Variants in ZAN observed in about 807,000 individuals in gnomAD.
ZAN encodes zonadhesin, also known as zonadhesin (gene/pseudogene).
Under a neutral mutation model 286.2 loss-of-function variants are expected in ZAN, and 260 were observed. The observed-to-expected ratio is 0.91, with a 90% CI of 0.82 to 1.01. The LOEUF is 1.01. ZAN is among the 50% of genes least tolerant of loss of function. ZAN has a pLI of 0.00. For synonymous variants in ZAN, 1,368 were observed against 1,417.5 expected (o/e 0.97, Z 0.79); for missense variants, 3,410 against 3,639.2 (o/e 0.94, Z 1.62).
At position 100,758,267 on chromosome 7, in the gene ZAN, C is replaced by T. The variant is rs923235244; in HGVS notation, c.3375C>T (p.Val1125=). ...EHCRCWPGSR[V]ECQISQCGTH... is the part of the protein sequence containing the mutation. ...GCCGCTGCTGGCCCGGCAGTCGGGT[C>T]GAGTGCCAGATCTCTCAGTGTGGGA... Residue 1125 remains valine, a synonymous_variant, in exon 16 of 48, where the codon GTC becomes GTT. Transcript: ENST00000613979. The T allele has an allele frequency of 4.3e-6, 7 of 1,613,380 alleles. No homozygotes were observed. The highest frequency in any genetic ancestry group is 2.2e-5 in the East Asian group (1 of 44,876).
Position 100,789,266 on chromosome 7 carries a change from CGGGTCACCCTGT to C in ZAN, c.7280_7291del (p.Val2427_Trp2430del). On this transcript the variant is annotated inframe_deletion, in exon 39 of 48. Coordinates refer to ENST00000613979, the MANE Select transcript of ZAN (RefSeq NM_003386.3). Reference sequence around the variant, plus strand: ...CCCCTACAGGCCAAATGAACACCTGCGGGTCACCCTGTGGGGCCAACGGCTCTACCTGGTCAC... The same window carrying C: ...CCCCTACAGGCCAAATGAACACCTGCGGGGCCAACGGCTCTACCTGGTCAC... 6.2e-7 allele frequency: 1 copy of C among 1,613,884 alleles called. No individual in the cohort carries two copies. Among genetic ancestry groups the C allele is most frequent in the South Asian group, 1.1e-5 (1 of 91,060 alleles).
At chr7:100,761,229 G>GT (rs1286387029) in intron 19 of ZAN, among the ~76,000 whole-genome samples, 1 of 152,140 alleles carries the variant, frequency 6.6e-6, no homozygotes, top group Non-Finnish European at 1.5e-5. Context: ...TAGAGGCCAG[G>GT]TGCAGGGGTT....
intron 33 of ZAN, 129 bp downstream of exon 33, chr7:100,775,962 G>A (rs1293668384): frequency 2.4e-6 from 3 of 1,224,864 alleles, no homozygotes; most frequent in Non-Finnish European, 3.4e-6. Flanking sequence ...GAGCAGGGCA[G>A]TGGAGGAGTG....
At chr7:100,791,200 G>A in intron 40 of ZAN, 87 bp downstream of exon 40, 1 of 1,482,416 alleles carries the variant, frequency 6.7e-7, no homozygotes, top group Non-Finnish European at 9.0e-7. Flanking sequence ...CTCAGGAGAG[G>A]ATGAAACTCC....
At chr7:100,788,798 A>C (rs1026965332) in intron 38 of ZAN, among the ~76,000 whole-genome samples, 4 of 152,050 alleles carry the variant, frequency 2.6e-5, no homozygotes, top group Non-Finnish European at 5.9e-5. Flanking sequence ...TCCCAGGTTC[A>C]AGTGATTATC....
At position 100,763,838 on chromosome 7, in the gene ZAN, CT is replaced by C; in HGVS notation, c.4021del (p.Cys1341ValfsTer32). 1 of 1,614,042 alleles carries C rather than the reference CT, an allele frequency of 6.2e-7. No homozygotes were observed. The highest frequency in any genetic ancestry group is 8.5e-7 in the Non-Finnish European group (1 of 1,179,892). ...CQKYQVVNSP[S>X]CDSSLQSSMS... ...AAGTACCAGGTGGTGAATTCCCCGT[CT>C]TGTGATTCATCTCTGCAGAGCAGCA... is the stretch of plus-strand genomic sequence containing the variant. On this transcript the variant is annotated frameshift_variant, in exon 21 of 48. Coordinates refer to ENST00000613979, the MANE Select transcript of ZAN (RefSeq NM_003386.3). LOFTEE classifies it high-confidence loss of function. The surrounding 1 kb of genome is among the most constrained non-coding windows in gnomAD (Gnocchi z 4.6).
Position 100,758,611 on chromosome 7 carries a change from T to C in ZAN, c.3532T>C (p.Cys1178Arg), listed in dbSNP as rs771833490. ...GAGGCACTTTGGCTTCATGGGCAAG[T>C]GCACTTACATCTTGGCCCAGCCCTG... ...DGRHFGFMGK[C>R]TYILAQPCGN... Residue 1178 changes from cysteine to arginine, a missense_variant, in exon 17 of 48, where the codon TGC (cysteine) becomes CGC (arginine). By Grantham distance (180) the Cys-to-Arg change is radical (BLOSUM62 -3). This residue lies in a region of ZAN where 1,042 missense variants were observed against 1,058.0 expected (regional missense o/e 0.98). Transcript: ENST00000613979. 2 of 1,562,394 alleles carry C rather than the reference T, an allele frequency of 1.3e-6. No individual in the cohort carries two copies. Among genetic ancestry groups the C allele is most frequent in the Admixed American group, 3.8e-5 (2 of 52,260 alleles).
intron 37 of ZAN, among the ~76,000 whole-genome samples, chr7:100,787,536 C>A (rs1469934353): frequency 1.3e-5 from 2 of 152,014 alleles, no homozygotes; most frequent in African/African-American, 4.8e-5. Context: ...CACACCTGGG[C>A]AGGGTCCCTT....
chr7:100,738,895 C>T (rs1398512043), intron 7 of ZAN, among the ~76,000 whole-genome samples: 2 of 2,188 alleles, frequency 9.1e-4, no homozygotes, highest in Non-Finnish European at 1.1e-3. Flanking sequence ...CTCTCCCTCT[C>T]CCTCTCCCTC....
chr7:100,781,001 T>C (rs1811164867), intron 35 of ZAN, among the ~76,000 whole-genome samples: 2 of 152,072 alleles, frequency 1.3e-5, no homozygotes, highest in South Asian at 2.1e-4. Flanking sequence ...AATCTGAGAA[T>C]TGAAAAACAA....
chr7:100,775,327 G>A lies in ZAN; in HGVS notation c.5780-1G>A. The A allele has an allele frequency of 6.2e-7, 1 of 1,612,692 alleles. No individual in the cohort carries two copies. The highest frequency in any genetic ancestry group is 2.2e-5 in the East Asian group (1 of 44,848). ...GCCCAGCTGTCTCTCTGTCCTCCCA[G>A]GTGTGGGAGTGTGTCAGCTCCCAGG... On this transcript the variant is annotated splice_acceptor_variant, in intron 31 of 47. Coordinates refer to ENST00000613979, the MANE Select transcript of ZAN (RefSeq NM_003386.3). LOFTEE classifies it high-confidence loss of function.
intron 15 of ZAN, among the ~76,000 whole-genome samples, chr7:100,755,900 A>AT (rs1053427362): frequency 2.7e-5 from 4 of 150,686 alleles, no homozygotes; most frequent in South Asian, 2.1e-4. Flanking sequence ...ATTTTATTTT[A>AT]TTTTTTTTGA....
intron 14 of ZAN, among the ~76,000 whole-genome samples, chr7:100,754,414 A>G (rs1033041138): frequency 1.3e-5 from 2 of 151,964 alleles, no homozygotes; most frequent in African/African-American, 4.8e-5. Flanking sequence ...AGCCGAGATC[A>G]TGCCACCGCA....
chr7:100,746,176 C>T (rs976454712), intron 7 of ZAN, among the ~76,000 whole-genome samples: 2 of 152,060 alleles, frequency 1.3e-5, no homozygotes, highest in African/African-American at 2.4e-5. Context: ...CTGCAGTGAA[C>T]CATGAGAGCC....
chr7:100,787,983 C>T lies in ZAN; in HGVS notation c.7074C>T (p.Ile2358=). ...RLQGRMTYVL[I]KTVDVLPEGV... ...AAGGCCGCATGACCTATGTTCTGAT[C>T]AAGACTGTGGACGTACTGCCTGAGG... The change falls in exon 38 of 48, where the codon ATC becomes ATT. Residue 2358 remains isoleucine, a synonymous_variant. Coordinates refer to ENST00000613979, the MANE Select transcript of ZAN (RefSeq NM_003386.3). The T allele has an allele frequency of 6.3e-7, 1 of 1,594,570 alleles. No individual in the cohort carries two copies. Among genetic ancestry groups the T allele is most frequent in the Non-Finnish European group, 8.6e-7 (1 of 1,166,898 alleles).
intron 33 of ZAN, 32 bp downstream of exon 33, chr7:100,775,865 G>A (rs375425255): frequency 6.2e-7 from 1 of 1,608,600 alleles, no homozygotes; most frequent in Non-Finnish European, 8.5e-7. Context: ...TCTCGCTGGG[G>A]AGGCAGCCCC....
rs558322675 is a variant in ZAN at position 100,735,398 on chromosome 7, C to T, written c.54-322C>T. Reference sequence around the variant, plus strand: ...TGTGCAACATAGAAAGACCCCATCTCTATAAAAAATAAAAATAAATTAGCT... The same window carrying T: ...TGTGCAACATAGAAAGACCCCATCTTTATAAAAAATAAAAATAAATTAGCT... On this transcript the variant is annotated intron_variant, in intron 2 of 47. Transcript: ENST00000613979. Among the ~76,000 whole-genome samples, 8 of 135,608 alleles carry T rather than the reference C, an allele frequency of 5.9e-5. 2 individuals are homozygous for T. In the South Asian group the frequency reaches 1.9e-3, roughly 31 times the overall value. The allele number at this position is 135,608 out of a possible 152,430, so 89.0% of individuals were successfully genotyped here. A position where few individuals can be genotyped will look rare whatever the true frequency, so the allele number is the denominator to read the frequency against.
chr7:100,776,573 C>A lies in ZAN; in HGVS notation c.6317+9C>A. Reference sequence around the variant, plus strand: ...AAGGACATTGACCCAAGGTAGTGGTCCCCTAAGACCCTCTAGGTTTTCTTT... The same window carrying A: ...AAGGACATTGACCCAAGGTAGTGGTACCCTAAGACCCTCTAGGTTTTCTTT... On this transcript the variant is annotated intron_variant, in intron 34 of 47. Transcript: ENST00000613979. 6.5e-7 allele frequency: 1 copy of A among 1,537,054 alleles called. No individual in the cohort carries two copies. The highest frequency in any genetic ancestry group is 1.2e-5 in the South Asian group (1 of 82,244).
At position 100,797,568 on chromosome 7, in the gene ZAN, G is replaced by A. The variant is rs1223339178; in HGVS notation, c.8367-9G>A. The A allele has an allele frequency of 6.2e-7, 1 of 1,613,776 alleles. No individual in the cohort carries two copies. The highest frequency in any genetic ancestry group is 1.3e-5 in the African/African-American group (1 of 74,896). Reference sequence around the variant, plus strand: ...TGGGGACCCATGTCTATTCCCCCATGCCTTCTAGAGAGAAAACGCAGGAGG... The same window carrying A: ...TGGGGACCCATGTCTATTCCCCCATACCTTCTAGAGAGAAAACGCAGGAGG... On this transcript the variant is annotated splice_polypyrimidine_tract_variant and intron_variant, in intron 46 of 47. Coordinates refer to ENST00000613979, the MANE Select transcript of ZAN (RefSeq NM_003386.3).
Sources: gnomAD v4.1 joint callset for allele counts (sites outside exome capture counted in the v4.1 genomes callset) on GRCh38, gnomAD v4.1.1 for gene constraint, gnomAD v4.1.1 regional missense constraint, Gnocchi (gnomAD v3.1) non-coding constraint, MANE v1.5 for transcripts, NCBI Gene and HGNC (gene_info 2026-07-23, HGNC 2026-07-21) for gene names.